Variants in URGCP observed in about 807,000 individuals in gnomAD.
The protein encoded by URGCP is up-regulator of cell proliferation.
URGCP carries 13 observed loss-of-function variants against 24.6 expected under a neutral mutation model. That is an observed-to-expected ratio of 0.53 (90% CI 0.34 to 0.84). The LOEUF (loss-of-function observed/expected upper bound fraction) is 0.84. URGCP is among the 40% of genes least tolerant of loss of function. URGCP has a pLI of 0.01. For synonymous variants in URGCP, 444 were observed against 487.2 expected, an observed-to-expected ratio of 0.91 and a Z score of 1.17; for missense variants, 899 against 1,194.3, an observed-to-expected ratio of 0.75 and a Z score of 3.64.
At chr7:43,911,504 T>A (rs1170778901), upstream of URGCP, among the ~76,000 whole-genome samples, 4 of 151,856 alleles carry the variant, frequency 2.6e-5, no homozygotes, top group African/African-American at 4.8e-5. Flanking sequence ...AAGACCAGCC[T>A]GGCCAACATG....
chr7:43,920,155 A>ATC, intron 1 of URGCP: 1 of 633,306 alleles, frequency 1.6e-6, no homozygotes, highest in Non-Finnish European at 2.8e-6. Flanking sequence ...GACCTCACAC[A>ATC]TCTCTTTCTC....
At chr7:43,919,412 C>T in intron 1 of URGCP, 1 of 882,136 alleles carries the variant, frequency 1.1e-6, no homozygotes, top group Non-Finnish European at 1.9e-6. Flanking sequence ...TCATCTCGGC[C>T]AGCACCATCA....
At chr7:43,910,577 T>C (rs2095909068), upstream of URGCP, among the ~76,000 whole-genome samples, 1 of 151,606 alleles carries the variant, frequency 6.6e-6, no homozygotes, top group Non-Finnish European at 1.5e-5. Context: ...CAAAAAGTCC[T>C]GACATGGTGG....
At chr7:43,887,990 G>C in intron 1 of URGCP, 174 bp from the exon 2 acceptor site, 1 of 577,800 alleles carries the variant, frequency 1.7e-6, no homozygotes, top group Non-Finnish European at 3.1e-6. Flanking sequence ...TGCTGGATGA[G>C]ATATTAGGGA....
At chr7:43,898,758 T>C in intron 1 of URGCP, among the ~76,000 whole-genome samples, 1 of 104,212 alleles carries the variant, frequency 9.6e-6, no homozygotes, top group East Asian at 2.5e-4. Flanking sequence ...AATAAATAAA[T>C]AAATAAATAA....
At chr7:43,879,325 CT>C in intron 5 of URGCP, 65 bp from the exon 6 acceptor site, 1 of 1,520,106 alleles carries the variant, frequency 6.6e-7, no homozygotes, top group South Asian at 1.3e-5. Flanking sequence ...CAGGGAAGAG[CT>C]GGTGAAGGAG....
chr7:43,909,449 A>T (rs969900773), upstream of URGCP, among the ~76,000 whole-genome samples: 1 of 152,238 alleles, frequency 6.6e-6, no homozygotes, highest in Non-Finnish European at 1.5e-5. Context: ...ATTTTAGGCC[A>T]GGTACGGTGG....
chr7:43,913,382 T>A (rs901803449), intron 1 of URGCP, among the ~76,000 whole-genome samples: 3 of 151,598 alleles, frequency 2.0e-5, no homozygotes, highest in Non-Finnish European at 4.4e-5. Flanking sequence ...CTATTTTTTT[T>A]TTTTATTTTT....
At chr7:43,895,831 CACT>C (rs1248770154) in intron 1 of URGCP, among the ~76,000 whole-genome samples, 1 of 152,164 alleles carries the variant, frequency 6.6e-6, no homozygotes, top group South Asian at 2.1e-4. Flanking sequence ...TCAGCAATCC[CACT>C]ACTATTTGTC....
chr7:43,918,881 C>T (rs2095918774), intron 1 of URGCP: 4 of 1,406,730 alleles, frequency 2.8e-6, no homozygotes, highest in Non-Finnish European at 4.0e-6. Flanking sequence ...ACTACATCCC[C>T]CGGGCTGTGC....
Position 43,877,716 on chromosome 7 carries a change from T to C in URGCP, c.1747A>G (p.Arg583Gly). 1.2e-6 allele frequency: 2 copies of C among 1,612,606 alleles called. No individual in the cohort carries two copies. Among genetic ancestry groups the C allele is most frequent in the Non-Finnish European group, 1.7e-6 (2 of 1,179,514 alleles). Reference protein sequence around the residue: ...GLARVAQPRLRQPPETLLTLR... With the variant: ...GLARVAQPRLGQPPETLLTLR... ...GTGAGAAGCGTCTCCGGAGGCTGTC[T>C]CAGTCGCGGCTGGGCCACCCGTGCC... is the stretch of plus-strand genomic sequence containing the variant. The change falls in exon 6 of 6, where the codon AGA (arginine) becomes GGA (glycine). Residue 583 changes from arginine to glycine, a missense_variant. Physicochemically the swap from Arg to Gly is moderately radical, Grantham distance 125. Transcript: ENST00000453200.
chr7:43,921,643 T>C (rs2095922601), intron 1 of URGCP, among the ~76,000 whole-genome samples: 1 of 152,206 alleles, frequency 6.6e-6, no homozygotes, highest in South Asian at 2.1e-4. Context: ...AGGGACTCGG[T>C]AAGGCTCTTA....
At chr7:43,903,390 C>T (rs2528385) in intron 1 of URGCP, among the ~76,000 whole-genome samples, 59,120 of 152,026 alleles carry the variant, frequency 0.39, 11,794 homozygotes, top group South Asian at 0.58. Flanking sequence ...AGGAGGGATG[C>T]TAGTTGTTTC....
rs2095849790 is a variant in URGCP at position 43,878,911 on chromosome 7, T to C, written c.552A>G (p.Leu184=). ...LPTPDTPVNP[L]DLLCALLLSS... is the part of the protein sequence containing the mutation. ...AGAGCAGCAGGGCACAGAGAAGGTC[T>C]AAGGGGTTCACTGGCGTATCAGGGG... The change falls in exon 6 of 6, where the codon TTA becomes TTG. Residue 184 remains leucine, a synonymous_variant. Coordinates refer to ENST00000453200, the MANE Select transcript of URGCP (RefSeq NM_001077663.3). This position sits in a 1 kb window ranked among gnomAD's most constrained non-coding sequence, Gnocchi z 5.6. The C allele has an allele frequency of 6.2e-7, 1 of 1,614,076 alleles. No homozygotes were observed. Among genetic ancestry groups the C allele is most frequent in the African/African-American group, 1.3e-5 (1 of 74,934 alleles).
chr7:43,922,619 G>A (rs1484920658), intron 1 of URGCP, among the ~76,000 whole-genome samples: 2 of 152,160 alleles, frequency 1.3e-5, no homozygotes, highest in East Asian at 3.9e-4. Context: ...GAATGCAGTA[G>A]CGTGAATGGG....
rs746365757 is a variant in URGCP, at chr7:43,879,200, T to G, written c.263A>C (p.Gln88Pro). The G allele has an allele frequency of 5.6e-6, 9 of 1,613,866 alleles. No individual in the cohort carries two copies. The highest frequency in any genetic ancestry group is 7.6e-6 in the Non-Finnish European group (9 of 1,180,040). Reference sequence around the variant, plus strand: ...CAGAGAGTCCTGGAGGCTGAGTTTCTGGACCTGGTACGTCTCTAGGCCCAA... The same window carrying G: ...CAGAGAGTCCTGGAGGCTGAGTTTCGGGACCTGGTACGTCTCTAGGCCCAA... ...SLLGLETYQV[Q>P]KLSLQDSLQI... Residue 88 changes from glutamine (Q) to proline (P), a missense_variant, in exon 6 of 6, where the codon CAG becomes CCG. Gln to Pro is a moderately conservative substitution (Grantham distance 76). Transcript: ENST00000453200.
At chr7:43,887,978 G>A in intron 1 of URGCP, 162 bp from the exon 2 acceptor site, 1 of 590,298 alleles carries the variant, frequency 1.7e-6, no homozygotes, top group Non-Finnish European at 3.0e-6. Flanking sequence ...TGGACAAAAA[G>A]ATGCTGGATG....
At chr7:43,921,783 G>A (rs890620904) in intron 1 of URGCP, among the ~76,000 whole-genome samples, 2 of 152,232 alleles carry the variant, frequency 1.3e-5, no homozygotes, top group Non-Finnish European at 2.9e-5. Context: ...GTTTAAACAA[G>A]TTGTGGAAGG....
upstream of URGCP, chr7:43,906,669 C>T: frequency 9.0e-7 from 1 of 1,107,214 alleles, no homozygotes; most frequent in Non-Finnish European, 1.1e-6. Context: ...GGCCGCCCGC[C>T]CGCTCCGGGA....
Sources: gnomAD v4.1 joint callset for allele counts (sites outside exome capture counted in the v4.1 genomes callset) on GRCh38, gnomAD v4.1.1 for gene constraint, Gnocchi (gnomAD v3.1) non-coding constraint, MANE v1.5 for transcripts, NCBI Gene and HGNC (gene_info 2026-07-23, HGNC 2026-07-21) for gene names.